Variants in SORCS3 observed in about 807,000 individuals in gnomAD.
The protein encoded by SORCS3 is sortilin related VPS10 domain containing receptor 3.
A neutral mutation model predicts 146.3 loss-of-function variants in SORCS3; 57 were observed. The ratio of observed to expected loss-of-function variants is 0.39; its 90% CI spans 0.31 to 0.49. The LOEUF (loss-of-function observed/expected upper bound fraction) is 0.49. SORCS3 is among the 20% of genes least tolerant of loss of function. SORCS3 has a pLI of 0.92. For synonymous variants in SORCS3, 653 were observed against 618.5 expected (o/e 1.06, Z -0.83); for missense variants, 1,341 against 1,575.5 (o/e 0.85, Z 2.52).
At chr10:104,724,160 G>T (rs1207203003) in intron 1 of SORCS3, among the ~76,000 whole-genome samples, 1 of 152,138 alleles carries the variant, frequency 6.6e-6, no homozygotes, top group Non-Finnish European at 1.5e-5. Flanking sequence ...AGCTCTTTTA[G>T]GGCAGTCCTG....
intron 1 of SORCS3, among the ~76,000 whole-genome samples, chr10:104,831,648 C>T (rs186133424): frequency 4.0e-4 from 61 of 152,276 alleles, no homozygotes; most frequent in Admixed American, 1.3e-3. Context: ...GTTTATGAGA[C>T]GGTTTAAGGC....
At chr10:104,659,693 G>T (rs2015676360) in intron 1 of SORCS3, among the ~76,000 whole-genome samples, 2 of 152,122 alleles carry the variant, frequency 1.3e-5, no homozygotes, top group African/African-American at 4.8e-5. Flanking sequence ...ATCCCATTTT[G>T]CCTGGTCTTT....
chr10:104,723,206 A>G (rs1164805173), intron 1 of SORCS3, among the ~76,000 whole-genome samples: 4 of 152,234 alleles, frequency 2.6e-5, no homozygotes, highest in Non-Finnish European at 5.9e-5. Flanking sequence ...TTCAAAGAAC[A>G]TCTTTATTTC....
At chr10:104,856,539 AAT>A (rs2018334671) in intron 2 of SORCS3, among the ~76,000 whole-genome samples, 1 of 146,732 alleles carries the variant, frequency 6.8e-6, no homozygotes, top group East Asian at 2.0e-4. Context: ...TGTATATATA[AAT>A]ATATACATAG....
chr10:104,910,672 A>G (rs1451557665), intron 2 of SORCS3, among the ~76,000 whole-genome samples: 1 of 152,234 alleles, frequency 6.6e-6, no homozygotes, highest in African/African-American at 2.4e-5. Context: ...TAAATCTAAT[A>G]GTGGCCAAAT....
intron 6 of SORCS3, among the ~76,000 whole-genome samples, chr10:105,094,970 C>T (rs559289850): frequency 2.0e-5 from 3 of 152,294 alleles, no homozygotes; most frequent in East Asian, 3.9e-4. Flanking sequence ...TCATGCTGCA[C>T]ACCAAGCCAT....
intron 1 of SORCS3, among the ~76,000 whole-genome samples, chr10:104,694,545 A>G (rs1255791426): frequency 6.6e-6 from 1 of 152,002 alleles, no homozygotes; most frequent in Non-Finnish European, 1.5e-5. Context: ...CTGCACTCAG[A>G]TATAAAGGAT....
At chr10:104,897,582 T>C (rs2133587720) in intron 2 of SORCS3, among the ~76,000 whole-genome samples, 1 of 152,364 alleles carries the variant, frequency 6.6e-6, no homozygotes, top group South Asian at 2.1e-4. Context: ...TCATCTAAGA[T>C]TTTAATTTTG....
At chr10:104,782,831 T>C (rs2017390757) in intron 1 of SORCS3, among the ~76,000 whole-genome samples, 1 of 152,140 alleles carries the variant, frequency 6.6e-6, no homozygotes, top group Non-Finnish European at 1.5e-5. Context: ...ATGCTTGGGG[T>C]TTCTGGAAGA....
At chr10:104,830,746 G>T (rs1430185861) in intron 1 of SORCS3, among the ~76,000 whole-genome samples, 2 of 152,190 alleles carry the variant, frequency 1.3e-5, no homozygotes, top group African/African-American at 4.8e-5. Context: ...TTTGGCTATT[G>T]TGAGTGTTCT....
chr10:105,256,845 C>T lies in SORCS3; in HGVS notation c.3364C>T (p.His1122Tyr). The T allele has an allele frequency of 6.2e-7, 1 of 1,614,162 alleles. No homozygotes were observed. Among genetic ancestry groups the T allele is most frequent in the Non-Finnish European group, 8.5e-7 (1 of 1,179,976 alleles). The change falls in exon 25 of 27, where the codon CAC (histidine) becomes TAC (tyrosine). Residue 1122 changes from histidine (H) to tyrosine (Y), a missense_variant. Transcript: ENST00000369701. ...LAPLVDSSAG[H>Y]SSSAMLMLLS... ...TCCATTGGTGGACTCCAGTGCTGGG[C>T]ACAGCAGCTCAGCCATGCTTATGCT...
In SORCS3 at chr10:104,641,558, A is replaced by T. The variant is rs2015416103; in HGVS notation, c.231A>T (p.Arg77Ser). The T allele has an allele frequency of 3.4e-6, 5 of 1,467,542 alleles. No individual in the cohort carries two copies. Among genetic ancestry groups the T allele is most frequent in the Non-Finnish European group, 4.5e-6 (5 of 1,120,038 alleles). 90.9% of individuals were successfully genotyped at this position (1,467,542 alleles called of 1,614,324 possible). The change falls in exon 1 of 27, where the codon AGA becomes AGT. Residue 77 changes from arginine to serine, a missense_variant. Physicochemically the swap from Arg to Ser is moderately radical, Grantham distance 110 (BLOSUM62 -1). Coordinates refer to ENST00000369701, the MANE Select transcript of SORCS3 (RefSeq NM_014978.3). The surrounding 1 kb of genome is among the most constrained non-coding windows in gnomAD (Gnocchi z 6.4). Reference sequence around the variant, plus strand: ...CGGAGGAGCTGGCGTCGGCGCGGAGAGCCGCCGTGCTGGGGCGCCGGGCCG... The same window carrying T: ...CGGAGGAGCTGGCGTCGGCGCGGAGTGCCGCCGTGCTGGGGCGCCGGGCCG... The part of the protein sequence containing the change: ...QWPEELASAR[R>S]AAVLGRRAGP...
chr10:104,898,475 T>C (rs545855182), intron 2 of SORCS3, among the ~76,000 whole-genome samples: 64 of 152,318 alleles, frequency 4.2e-4, no homozygotes, highest in Non-Finnish European at 4.9e-4. Flanking sequence ...ATTAACTGCT[T>C]TTTTATGTGT....
At chr10:105,101,886 G>A (rs1375523515) in intron 6 of SORCS3, among the ~76,000 whole-genome samples, 1 of 152,098 alleles carries the variant, frequency 6.6e-6, no homozygotes, top group Non-Finnish European at 1.5e-5. Flanking sequence ...TTTTACTGCA[G>A]GTTTTCATTG....
At chr10:105,213,256 G>A (rs1303316998) in intron 17 of SORCS3, among the ~76,000 whole-genome samples, 1 of 152,202 alleles carries the variant, frequency 6.6e-6, no homozygotes, top group Non-Finnish European at 1.5e-5. Flanking sequence ...TGGGATCCCT[G>A]AATGGAGGTA....
chr10:105,263,670 C>T lies in SORCS3; in HGVS notation c.*296C>T, dbSNP rs756407027. The T allele has an allele frequency of 9.4e-6, 3 of 319,574 alleles. No individual in the cohort carries two copies. The highest frequency in any genetic ancestry group is 2.1e-5 in the African/African-American group (1 of 46,880). The allele number at this position is 319,574 out of a possible 1,614,324, so 19.8% of individuals were successfully genotyped here. A position where few individuals can be genotyped will look rare whatever the true frequency, so the allele number is the denominator to read the frequency against. On this transcript the variant is annotated 3_prime_UTR_variant, in exon 27 of 27. Transcript: ENST00000369701. The stretch of plus-strand genomic sequence containing the variant: ...AAGACTTTCTTTTTCCTTGTGGTCT[C>T]CCTTTTTTCAAAATTGAAGTTGGGT...
chr10:105,199,949 C>A, intron 14 of SORCS3, 50 bp from the exon 15 acceptor site: 1 of 1,335,376 alleles, frequency 7.5e-7, no homozygotes, highest in Non-Finnish European at 1.1e-6. Flanking sequence ...TAGTGACTGA[C>A]TATGGGACTT....
intron 2 of SORCS3, among the ~76,000 whole-genome samples, chr10:104,883,992 T>C (rs2018657179): frequency 1.4e-5 from 2 of 146,958 alleles, no homozygotes; most frequent in East Asian, 2.0e-4. Flanking sequence ...GGGGAAAGGG[T>C]CCTACCCTAT....
intron 25 of SORCS3, among the ~76,000 whole-genome samples, chr10:105,260,816 C>G (rs1038615995): frequency 3.3e-5 from 5 of 152,060 alleles, no homozygotes; most frequent in Non-Finnish European, 7.4e-5. Context: ...TGTCCGATGT[C>G]CCAAGTTTCA....
Sources: allele counts gnomAD v4.1 joint callset (sites outside exome capture counted in the v4.1 genomes callset), GRCh38; gene constraint gnomAD v4.1.1; non-coding constraint Gnocchi (gnomAD v3.1); transcripts MANE v1.5; gene names NCBI Gene and HGNC (gene_info 2026-07-23, HGNC 2026-07-21).